Variants in ZXDB observed in about 807,000 individuals in gnomAD.
ZXDB encodes zinc finger X-linked duplicated B.
For missense variants in ZXDB, 413 were observed against 679.1 expected (o/e 0.61, Z 4.36); for synonymous variants, 273 against 314.3 (o/e 0.87, Z 1.39).
chrX:57,594,816 TG>T lies in ZXDB; in HGVS notation c.*357del, dbSNP rs1001885710. 2 of 166,650 alleles carry T rather than the reference TG, an allele frequency of 1.2e-5. No individual in the cohort carries two copies. The highest frequency in any genetic ancestry group is 6.3e-5 in the African/African-American group (2 of 31,861). 13.7% of individuals were successfully genotyped at this position (166,650 alleles called of 1,213,427 possible). On this transcript the variant is annotated 3_prime_UTR_variant, in exon 1 of 1. Coordinates refer to ENST00000374888, the MANE Select transcript of ZXDB (RefSeq NM_007157.4). ...GATGTGGCATGCGTTTTTTTTTAACTGCCCCCCCAGCCCTGACATGTTCTTT... is the reference window on the plus strand; with the variant it reads ...GATGTGGCATGCGTTTTTTTTTAACTCCCCCCCAGCCCTGACATGTTCTTT...
Position 57,593,603 on chromosome X carries a change from G to A in ZXDB, c.1555G>A (p.Ala519Thr), listed in dbSNP as rs372652081. 16 of 1,208,681 alleles carry A rather than the reference G, an allele frequency of 1.3e-5. No individual in the cohort carries two copies. Among genetic ancestry groups the A allele is most frequent in the African/African-American group, 1.8e-5 (1 of 56,792 alleles). ...CACAAAGCCTTTCGTGTGTCCTGTG[G>A]CAGGCTGCTGTGCCAGGTTCTCTGC... ...LGTKPFVCPV[A>T]GCCARFSARS... The change falls in exon 1 of 1, where the codon GCA becomes ACA. Residue 519 changes from alanine (A) to threonine (T), a missense_variant. Physicochemically the swap from Ala to Thr is moderately conservative, Grantham distance 58. Coordinates refer to ENST00000374888, the MANE Select transcript of ZXDB (RefSeq NM_007157.4).
In ZXDB at chrX:57,594,161, C is replaced by T. The variant is rs1366100148; in HGVS notation, c.2113C>T (p.Pro705Ser). 1 of 1,197,995 alleles carries T rather than the reference C, an allele frequency of 8.3e-7. No homozygotes were observed. The highest frequency in any genetic ancestry group is 2.2e-5 in the Admixed American group (1 of 44,702). Residue 705 changes from proline to serine, a missense_variant, in exon 1 of 1, where the codon CCA (proline) becomes TCA (serine). Physicochemically the swap from Pro to Ser is moderately conservative, Grantham distance 74 (BLOSUM62 -1). Transcript: ENST00000374888. Reference protein sequence around the residue: ...MDEVSSVSVGPLGSLDSLAMK... With the variant: ...MDEVSSVSVGSLGSLDSLAMK... ...TGAGGTCTCAAGTGTAAGTGTGGGG[C>T]CATTGGGATCTCTGGACTCTTTGGC...
rs1459690186 is a variant in ZXDB, at chrX:57,592,268, T to C, written c.220T>C (p.Leu74=). 5.1e-6 allele frequency: 6 copies of C among 1,174,857 alleles called. No individual in the cohort carries two copies. The Admixed American group carries it at 1.4e-4, about 27-fold the overall frequency. ...TASRGPGPSL[L]APRTDQPSGG... is the part of the protein sequence containing the mutation. ...ATCACGGGGCCCTGGCCCAAGCCTG[T>C]TGGCGCCGAGGACCGATCAACCTAG... Residue 74 remains leucine, a synonymous_variant, in exon 1 of 1, where the codon TTG becomes CTG. Coordinates refer to ENST00000374888, the MANE Select transcript of ZXDB (RefSeq NM_007157.4).
Position 57,592,311 on chromosome X carries a change from GCGGCGA to G in ZXDB, c.266_271del (p.Gly89_Asp90del), listed in dbSNP as rs1161358738. 1 of 1,189,935 alleles carries G rather than the reference GCGGCGA, an allele frequency of 8.4e-7. No individual in the cohort carries two copies. Among genetic ancestry groups the G allele is most frequent in the Non-Finnish European group, 1.1e-6 (1 of 888,707 alleles). ...CAACCTAGCGGCGGCGGCGGCGGCG[GCGGCGA>G]CGACTTCTTCCTGGTGCTGCTTGAC... is the stretch of plus-strand genomic sequence containing the variant. On this transcript the variant is annotated inframe_deletion, in exon 1 of 1. Transcript: ENST00000374888.
Position 57,592,178 on chromosome X carries a change from C to T in ZXDB, c.130C>T (p.Leu44Phe). 9.5e-7 allele frequency: 1 copy of T among 1,054,747 alleles called. No individual in the cohort carries two copies. Among genetic ancestry groups the T allele is most frequent in the Non-Finnish European group, 1.2e-6 (1 of 824,703 alleles). The allele number at this position is 1,054,747 out of a possible 1,213,427, so 86.9% of individuals were successfully genotyped here. ...SPAGQVPTRR[L>F]LLLRGPQDGG... ...GGCTGGCCAGGTCCCCACGCGCCGC[C>T]TCCTGCTGCTCCGGGGCCCCCAAGA... The change falls in exon 1 of 1, where the codon CTC becomes TTC. Residue 44 changes from leucine (L) to phenylalanine (F), a missense_variant. Leu to Phe is a conservative substitution (Grantham distance 22). Transcript: ENST00000374888.
In ZXDB at chrX:57,592,385, G is replaced by A. The variant is rs2057895864; in HGVS notation, c.337G>A (p.Ala113Thr). 8.4e-7 allele frequency: 1 copy of A among 1,183,600 alleles called. No individual in the cohort carries two copies. ...DVETAGSGQA[A>T]GPVLREEAEE... ...GGAGACCGCGGGCTCCGGTCAGGCC[G>A]CAGGGCCTGTGTTGAGGGAGGAGGC... The change falls in exon 1 of 1, where the codon GCA becomes ACA. Residue 113 changes from alanine (A) to threonine (T), a missense_variant. By Grantham distance (58) the Ala-to-Thr change is moderately conservative. Transcript: ENST00000374888.
In ZXDB at chrX:57,595,890, CTG is replaced by C. The variant is rs1410523996; in HGVS notation, c.*1432_*1433del. 1 of 123,421 alleles carries C rather than the reference CTG, an allele frequency of 8.1e-6. No homozygotes were observed. Among genetic ancestry groups the C allele is most frequent in the African/African-American group, 3.2e-5 (1 of 30,834 alleles). The allele number at this position is 123,421 out of a possible 1,213,427, so 10.2% of individuals were successfully genotyped here. ...ACAATGCACACACATACCTGACACA[CTG>C]TTAAATTTTCTTCTCTTCCTGTTTC... is the stretch of plus-strand genomic sequence containing the variant. On this transcript the variant is annotated 3_prime_UTR_variant, in exon 1 of 1. Coordinates refer to ENST00000374888, the MANE Select transcript of ZXDB (RefSeq NM_007157.4).
rs1411722604 is a variant in ZXDB, at chrX:57,593,255, A to G, written c.1207A>G (p.Thr403Ala). The G allele has an allele frequency of 8.3e-7, 1 of 1,211,833 alleles. No individual in the cohort carries two copies. Among genetic ancestry groups the G allele is most frequent in the Admixed American group, 2.2e-5 (1 of 46,080 alleles). Residue 403 changes from threonine to alanine, a missense_variant, in exon 1 of 1, where the codon ACA becomes GCA. By Grantham distance (58) the Thr-to-Ala change is moderately conservative. Transcript: ENST00000374888. ...YQCAFSGCKK[T>A]FITVSALFSH... is the part of the protein sequence containing the mutation. ...GTGCGCGTTTTCTGGCTGCAAGAAG[A>G]CATTTATCACAGTGAGTGCTCTGTT... is the stretch of plus-strand genomic sequence containing the variant.
chrX:57,593,025 A>G lies in ZXDB; in HGVS notation c.977A>G (p.Gln326Arg). ...TTSYKLKRHL[Q>R]SHDKLRPFGC... is the part of the protein sequence containing the mutation. ...TCTTACAAGCTCAAGAGGCACCTGC[A>G]GTCGCACGACAAACTGCGGCCCTTT... Residue 326 changes from glutamine to arginine, a missense_variant, in exon 1 of 1, where the codon CAG (glutamine) becomes CGG (arginine). Physicochemically the swap from Gln to Arg is conservative, Grantham distance 43. Transcript: ENST00000374888. 1 of 1,212,057 alleles carries G rather than the reference A, an allele frequency of 8.3e-7. No individual in the cohort carries two copies. Among genetic ancestry groups the G allele is most frequent in the South Asian group, 1.8e-5 (1 of 56,934 alleles).
rs1015931638 is a variant in ZXDB, at chrX:57,595,449, T to G, written c.*989T>G. 4 of 123,131 alleles carry G rather than the reference T, an allele frequency of 3.2e-5. No homozygotes were observed. Among genetic ancestry groups the G allele is most frequent in the African/African-American group, 1.3e-4 (4 of 30,775 alleles). 10.1% of individuals were successfully genotyped at this position (123,131 alleles called of 1,213,427 possible). A position where few individuals can be genotyped will look rare whatever the true frequency, so the allele number is the denominator to read the frequency against. ...TGTTTCATAGGTTATGTTGTGTTCATTTAGTAGGTGGCGCATAATCTGTGG... is the reference window on the plus strand; with the variant it reads ...TGTTTCATAGGTTATGTTGTGTTCAGTTAGTAGGTGGCGCATAATCTGTGG... On this transcript the variant is annotated 3_prime_UTR_variant, in exon 1 of 1. Transcript: ENST00000374888.
In ZXDB at chrX:57,596,992, C is replaced by A. The variant is rs1231132002; in HGVS notation, c.*2532C>A. On this transcript the variant is annotated 3_prime_UTR_variant, in exon 1 of 1. Coordinates refer to ENST00000374888, the MANE Select transcript of ZXDB (RefSeq NM_007157.4). ...GAAGTGGATTTCTGTTTCATTACTT[C>A]CGTTTTAAAAGTTTTTGCCAGAGAG... The A allele has an allele frequency of 8.1e-6, 1 of 123,520 alleles. No homozygotes were observed. The highest frequency in any genetic ancestry group is 1.9e-5 in the Non-Finnish European group (1 of 53,283). 10.2% of individuals were successfully genotyped at this position (123,520 alleles called of 1,213,427 possible).
Position 57,592,023 on chromosome X carries a change from T to C in ZXDB, c.-26T>C. On this transcript the variant is annotated 5_prime_UTR_variant, in exon 1 of 1. Coordinates refer to ENST00000374888, the MANE Select transcript of ZXDB (RefSeq NM_007157.4). ...ATCGCGCCTCCTCCTCGGCTCTGGTTCCAGCCGAGCCTCTCGGACGCAGAG... is the reference window on the plus strand; with the variant it reads ...ATCGCGCCTCCTCCTCGGCTCTGGTCCCAGCCGAGCCTCTCGGACGCAGAG... 9.8e-7 allele frequency: 1 copy of C among 1,021,701 alleles called. No individual in the cohort carries two copies. The highest frequency in any genetic ancestry group is 1.2e-6 in the Non-Finnish European group (1 of 802,881). The allele number at this position is 1,021,701 out of a possible 1,213,427, so 84.2% of individuals were successfully genotyped here. A position where few individuals can be genotyped will look rare whatever the true frequency, so the allele number is the denominator to read the frequency against.
In ZXDB at chrX:57,593,697, C is replaced by G. The variant is rs1390642393; in HGVS notation, c.1649C>G (p.Pro550Arg). The change falls in exon 1 of 1, where the codon CCG (proline) becomes CGG (arginine). Residue 550 changes from proline (P) to arginine (R), a missense_variant. Coordinates refer to ENST00000374888, the MANE Select transcript of ZXDB (RefSeq NM_007157.4). ...GTGGACACTTGGAAAAGCCGTTGCCCGATCTCCTCTTGTAATAAACTCTTC... is the reference window on the plus strand; with the variant it reads ...GTGGACACTTGGAAAAGCCGTTGCCGGATCTCCTCTTGTAATAAACTCTTC... Reference protein sequence around the residue: ...QDVDTWKSRCPISSCNKLFTS... With the variant: ...QDVDTWKSRCRISSCNKLFTS... The G allele has an allele frequency of 8.3e-7, 1 of 1,207,078 alleles. No homozygotes were observed. The highest frequency in any genetic ancestry group is 1.8e-5 in the African/African-American group (1 of 56,805).
In ZXDB at chrX:57,593,542, G is replaced by C. The variant is rs1057332; in HGVS notation, c.1494G>C (p.Ala498=). 1.3e-4 allele frequency: 152 copies of C among 1,209,513 alleles called. No homozygotes were observed. Among genetic ancestry groups the C allele is most frequent in the Admixed American group, 9.8e-4 (45 of 45,737 alleles). ...GCTGTGGGAAATCTTTCACGAGGGCGGAACATCTGAAAGGCCACAGCATAA... is the reference window on the plus strand; with the variant it reads ...GCTGTGGGAAATCTTTCACGAGGGCCGAACATCTGAAAGGCCACAGCATAA... ...VEGCGKSFTR[A]EHLKGHSITH... The change falls in exon 1 of 1, where the codon GCG becomes GCC. Residue 498 remains alanine, a synonymous_variant. Coordinates refer to ENST00000374888, the MANE Select transcript of ZXDB (RefSeq NM_007157.4).
Position 57,593,146 on chromosome X carries a change from C to T in ZXDB, c.1098C>T (p.Cys366=), listed in dbSNP as rs201896916. 7.5e-5 allele frequency: 91 copies of T among 1,210,195 alleles called. No homozygotes were observed. Among genetic ancestry groups the T allele is most frequent in the Middle Eastern group, 2.3e-4 (1 of 4,375 alleles). ...ATGAGCAGGAGAACTCATTCAAATG[C>T]GAGGTGTGCGAGGAGAGCTTCCCCA... is the stretch of plus-strand genomic sequence containing the variant. ...KGHEQENSFK[C]EVCEESFPTQ... is the part of the protein sequence containing the mutation. The change falls in exon 1 of 1, where the codon TGC becomes TGT. Residue 366 remains cysteine, a synonymous_variant. Transcript: ENST00000374888.
rs2147345161 is a variant in ZXDB, at chrX:57,597,027, A to G, written c.*2567A>G. 8.1e-6 allele frequency: 1 copy of G among 123,604 alleles called. No individual in the cohort carries two copies. Among genetic ancestry groups the G allele is most frequent in the East Asian group, 2.8e-4 (1 of 3,579 alleles). The allele number at this position is 123,604 out of a possible 1,213,427, so 10.2% of individuals were successfully genotyped here. A position where few individuals can be genotyped will look rare whatever the true frequency, so the allele number is the denominator to read the frequency against. ...AGTTTTTGCCAGAGAGTTTTGCTAA[A>G]TACTCTCTTATTTGCTCTAGTGTAC... On this transcript the variant is annotated 3_prime_UTR_variant, in exon 1 of 1. Coordinates refer to ENST00000374888, the MANE Select transcript of ZXDB (RefSeq NM_007157.4).
In ZXDB at chrX:57,594,191, A is replaced by C. The variant is rs1273368608; in HGVS notation, c.2143A>C (p.Lys715Gln). 1 of 1,202,378 alleles carries C rather than the reference A, an allele frequency of 8.3e-7. No homozygotes were observed. Among genetic ancestry groups the C allele is most frequent in the Non-Finnish European group, 1.1e-6 (1 of 892,306 alleles). ...PLGSLDSLAM[K>Q]NSSPEPQALT... Reference sequence around the variant, plus strand: ...GGGATCTCTGGACTCTTTGGCCATGAAAAACTCCAGTCCAGAGCCTCAGGC... The same window carrying C: ...GGGATCTCTGGACTCTTTGGCCATGCAAAACTCCAGTCCAGAGCCTCAGGC... Residue 715 changes from lysine to glutamine, a missense_variant, in exon 1 of 1, where the codon AAA (lysine) becomes CAA (glutamine). Transcript: ENST00000374888.
At position 57,596,083 on chromosome X, in the gene ZXDB, T is replaced by C. The variant is rs1602951126; in HGVS notation, c.*1623T>C. The C allele has an allele frequency of 8.1e-6, 1 of 123,330 alleles. No individual in the cohort carries two copies. The highest frequency in any genetic ancestry group is 2.8e-4 in the East Asian group (1 of 3,578). 10.2% of individuals were successfully genotyped at this position (123,330 alleles called of 1,213,427 possible). A position where few individuals can be genotyped will look rare whatever the true frequency, so the allele number is the denominator to read the frequency against. On this transcript the variant is annotated 3_prime_UTR_variant, in exon 1 of 1. Transcript: ENST00000374888. ...GTTTAGGGTGAAGTAGGCAAGGGAATCTGTTTACTCCCTCTTCCCTCTACT... is the reference window on the plus strand; with the variant it reads ...GTTTAGGGTGAAGTAGGCAAGGGAACCTGTTTACTCCCTCTTCCCTCTACT...
At position 57,592,750 on chromosome X, in the gene ZXDB, T is replaced by G. The variant is rs2982251; in HGVS notation, c.702T>G (p.Ala234=). The G allele has an allele frequency of 8.6e-7, 1 of 1,156,264 alleles. No homozygotes were observed. The highest frequency in any genetic ancestry group is 2.7e-5 in the Admixed American group (1 of 37,619). ...CPELPPDLLL[A]EPAEPAPAPA... is the part of the protein sequence containing the mutation. ...AGCTGCCGCCAGACCTCCTGCTAGC[T>G]GAGCCGGCCGAACCCGCGCCAGCTC... Residue 234 remains alanine (A), a synonymous_variant, in exon 1 of 1, where the codon GCT becomes GCG. Coordinates refer to ENST00000374888, the MANE Select transcript of ZXDB (RefSeq NM_007157.4).
Sources: gnomAD v4.1 joint callset for allele counts on GRCh38, gnomAD v4.1.1 for gene constraint, MANE v1.5 for transcripts, NCBI Gene and HGNC (gene_info 2026-07-23, HGNC 2026-07-21) for gene names.